TRA2A: variants seen among roughly 807,000 people sequenced by gnomAD.
TRA2A encodes the protein transformer-2 protein homolog alpha.
A neutral mutation model predicts 45.7 loss-of-function variants in TRA2A; 31 were observed. The observed-to-expected ratio is 0.68, with a 90% CI of 0.51 to 0.92. TRA2A has a LOEUF of 0.92. Among genes scored for constraint, TRA2A ranks in the 40% least tolerant of loss-of-function variants. The pLI is 0.00. For missense variants in TRA2A, 304 were observed against 367.5 expected, an observed-to-expected ratio of 0.83 and a Z score of 1.41; for synonymous variants, 132 against 126.2, an observed-to-expected ratio of 1.05 and a Z score of -0.31.
At chr7:23,514,570 G>T (rs1418632395) in intron 3 of TRA2A, among the ~76,000 whole-genome samples, 1 of 151,598 alleles carries the variant, frequency 6.6e-6, no homozygotes, top group Non-Finnish European at 1.5e-5. Context: ...TGTAATTGTT[G>T]ATTTAGACCT....
Position 23,516,506 on chromosome 7 carries a change from G to A in TRA2A, c.193C>T (p.His65Tyr). The stretch of plus-strand genomic sequence containing the variant: ...GATCTGGATCGAGTGTAACGTCTAT[G>A]AGAATGTCTCCTTGACCTCGACCTT... The part of the protein sequence containing the change: ...KSRSRSRRHS[H>Y]RRYTRSRSHS... The change falls in exon 3 of 8, where the codon CAT becomes TAT. Residue 65 changes from histidine (H) to tyrosine (Y), a missense_variant. Around this residue, in one of 3 missense-constraint regions of TRA2A, gnomAD observed 132 missense variants for 113.4 expected, o/e 1.16. Coordinates refer to ENST00000297071, the MANE Select transcript of TRA2A (RefSeq NM_013293.5). 1 of 1,614,164 alleles carries A rather than the reference G, an allele frequency of 6.2e-7. No individual in the cohort carries two copies. The highest frequency in any genetic ancestry group is 1.1e-5 in the South Asian group (1 of 91,074).
chr7:23,517,491 A>AAAAAAAAAAAAAAAAAAAAAAAAAAAAAG, intron 2 of TRA2A, among the ~76,000 whole-genome samples: 1 of 145,606 alleles, frequency 6.9e-6, no homozygotes, highest in Non-Finnish European at 1.5e-5. Flanking sequence ...AAAAAAAAAA[A>AAAAAAAAAAAAAAAAAAAAAAAAAAAAAG]AAAAAAAAAA....
chr7:23,509,399 G>C (rs1019230500), intron 4 of TRA2A, among the ~76,000 whole-genome samples: 4 of 152,066 alleles, frequency 2.6e-5, no homozygotes. Flanking sequence ...CAGAATCAGG[G>C]AGAAGTTAGT....
chr7:23,509,169 T>G (rs1304790047), intron 4 of TRA2A, among the ~76,000 whole-genome samples: 1 of 152,120 alleles, frequency 6.6e-6, no homozygotes, highest in African/African-American at 2.4e-5. Flanking sequence ...ATCACATAAA[T>G]GTCTGCAAAA....
chr7:23,516,667 T>G, intron 2 of TRA2A, 139 bp from the exon 3 acceptor site: 1 of 701,400 alleles, frequency 1.4e-6, no homozygotes, highest in Non-Finnish European at 2.4e-6. Flanking sequence ...ATTCTTCCTT[T>G]GGTTCACTTA....
At chr7:23,512,796 G>T in intron 4 of TRA2A, 98 bp downstream of exon 4, 2 of 999,610 alleles carry the variant, frequency 2.0e-6, no homozygotes, top group Non-Finnish European at 2.8e-6. Context: ...AAGAAAAAAA[G>T]GAAGAAAAAA....
chr7:23,526,795 CA>C (rs1463247225), intron 1 of TRA2A, among the ~76,000 whole-genome samples: 2 of 152,154 alleles, frequency 1.3e-5, no homozygotes, highest in African/African-American at 4.8e-5. Flanking sequence ...CTATATGCTG[CA>C]TTCTGAAGTC....
At chr7:23,531,242 G>A (rs1790568526) in intron 1 of TRA2A, 1 of 986,786 alleles carries the variant, frequency 1.0e-6, no homozygotes, top group Non-Finnish European at 1.2e-6. Context: ...ACGCAACGCC[G>A]CCGGTTCCAA....
At position 23,525,677 on chromosome 7, in the gene TRA2A, C is replaced by T. The variant is rs547781445; in HGVS notation, c.37-3837G>A. Among the ~76,000 whole-genome samples the T allele has an allele frequency of 1.4e-3, 219 of 152,318 alleles. 1 individual carries two copies. Among genetic ancestry groups the T allele is most frequent in the African/African-American group, 5.0e-3 (207 of 41,568 alleles). On this transcript the variant is annotated intron_variant, in intron 1 of 7. Coordinates refer to ENST00000297071, the MANE Select transcript of TRA2A (RefSeq NM_013293.5). ...AGTGGCACAATCTTCTCATTGCAACCTCCAACTCCTGGGTTCAAGCAATTC... is the reference window on the plus strand; with the variant it reads ...AGTGGCACAATCTTCTCATTGCAACTTCCAACTCCTGGGTTCAAGCAATTC...
chr7:23,518,354 T>G (rs1179491494), intron 2 of TRA2A, among the ~76,000 whole-genome samples: 1 of 151,498 alleles, frequency 6.6e-6, no homozygotes, highest in African/African-American at 2.4e-5. Context: ...AACATTTCTT[T>G]TTTTGGAGAC....
chr7:23,517,842 G>GA (rs1789956777), intron 2 of TRA2A, among the ~76,000 whole-genome samples: 1 of 152,020 alleles, frequency 6.6e-6, no homozygotes, highest in African/African-American at 2.4e-5. Flanking sequence ...AACCCGGGAG[G>GA]TGGAGGCTGC....
At chr7:23,512,174 T>C (rs759073597) in intron 4 of TRA2A, among the ~76,000 whole-genome samples, 2 of 152,172 alleles carry the variant, frequency 1.3e-5, no homozygotes, top group Non-Finnish European at 2.9e-5. Flanking sequence ...TTGTTAACAC[T>C]GAGAGGCAGA....
chr7:23,530,153 AAAC>A (rs1790511247), intron 1 of TRA2A, among the ~76,000 whole-genome samples: 1 of 152,212 alleles, frequency 6.6e-6, no homozygotes, highest in South Asian at 2.1e-4. Flanking sequence ...AACATTTTCA[AAAC>A]AAGAAGCATT....
chr7:23,511,489 A>T (rs1029684278), intron 4 of TRA2A, among the ~76,000 whole-genome samples: 2 of 151,234 alleles, frequency 1.3e-5, no homozygotes, highest in African/African-American at 4.8e-5. Flanking sequence ...TATATATATT[A>T]ATTTAAAAGA....
At chr7:23,526,958 AC>A (rs1463345665) in intron 1 of TRA2A, among the ~76,000 whole-genome samples, 2 of 152,272 alleles carry the variant, frequency 1.3e-5, no homozygotes, top group African/African-American at 4.8e-5. Context: ...TTGTGAAATC[AC>A]CTGTAAAATT....
intron 5 of TRA2A, 177 bp downstream of exon 5, chr7:23,507,243 G>T (rs1789384312): frequency 8.7e-6 from 5 of 571,518 alleles, no homozygotes; most frequent in Non-Finnish European, 1.2e-5. Context: ...GGGATTACAG[G>T]CATGTGCCAC....
chr7:23,531,114 T>A (rs1790563541), intron 1 of TRA2A: 3 of 553,420 alleles, frequency 5.4e-6, no homozygotes, highest in Non-Finnish European at 6.9e-6. Context: ...AAAGGGCTCC[T>A]TGCGTAGTTT....
At chr7:23,516,089 G>A (rs1281541098) in intron 3 of TRA2A, among the ~76,000 whole-genome samples, 2 of 151,954 alleles carry the variant, frequency 1.3e-5, no homozygotes, top group South Asian at 2.1e-4. Flanking sequence ...GCAGTGAGTC[G>A]AAATTGCACC....
intron 1 of TRA2A, among the ~76,000 whole-genome samples, chr7:23,525,469 T>C (rs1415800577): frequency 6.6e-6 from 1 of 152,226 alleles, no homozygotes; most frequent in Non-Finnish European, 1.5e-5. Flanking sequence ...AATGGGCAGA[T>C]TAATAACTCA....
Sources: gnomAD v4.1 joint callset for allele counts (sites outside exome capture counted in the v4.1 genomes callset) on GRCh38, gnomAD v4.1.1 for gene constraint, gnomAD v4.1.1 regional missense constraint, MANE v1.5 for transcripts, NCBI Gene and HGNC (gene_info 2026-07-23, HGNC 2026-07-21) for gene names.